YTHDF2: variants seen among roughly 807,000 people sequenced by gnomAD.
YTHDF2 encodes YTH N6-methyladenosine RNA binding protein F2, also known as YTH domain-containing family protein 2.
Under a neutral mutation model 50.4 loss-of-function variants are expected in YTHDF2, and 2 were observed. The ratio of observed to expected loss-of-function variants is 0.04; its 90% CI spans 0.02 to 0.12. The LOEUF (loss-of-function observed/expected upper bound fraction) is 0.12, where lower values mean the gene tolerates loss of function less well. Among genes scored for constraint, YTHDF2 ranks in the 10% least tolerant of loss-of-function variants. The pLI, the probability that YTHDF2 is intolerant of heterozygous loss-of-function variation, is 1.00. For synonymous variants in YTHDF2, 217 were observed against 255.6 expected (o/e 0.85, Z 1.44); for missense variants, 483 against 722.6 (o/e 0.67, Z 3.80).
intron 3 of YTHDF2, among the ~76,000 whole-genome samples, chr1:28,741,382 C>T (rs1314364013): frequency 1.3e-5 from 2 of 152,124 alleles, no homozygotes; most frequent in African/African-American, 2.4e-5. Context: ...ACTGCAACCT[C>T]GGCCTCTTGG....
chr1:28,737,263 G>T, intron 1 of YTHDF2, 116 bp downstream of exon 1: 1 of 1,383,808 alleles, frequency 7.2e-7, no homozygotes. Flanking sequence ...TCTCTTGCGG[G>T]CCAGGTTTCG....
chr1:28,766,551 C>T (rs768322063), intron 4 of YTHDF2, among the ~76,000 whole-genome samples: 15 of 152,144 alleles, frequency 9.9e-5, no homozygotes, highest in South Asian at 8.3e-4. Flanking sequence ...ACTTTGGTCA[C>T]TTTGGGTAAA....
chr1:28,744,067 A>C, intron 4 of YTHDF2, 81 bp downstream of exon 4: 1 of 1,386,330 alleles, frequency 7.2e-7, no homozygotes, highest in Non-Finnish European at 9.5e-7. Context: ...GTGAACCGTT[A>C]ATAAAAACTC....
chr1:28,752,943 G>C (rs2087979400), intron 4 of YTHDF2, among the ~76,000 whole-genome samples: 2 of 151,974 alleles, frequency 1.3e-5, no homozygotes, highest in South Asian at 4.2e-4. Flanking sequence ...TACTCAGGAG[G>C]CTGAGGCAGG....
intron 4 of YTHDF2, among the ~76,000 whole-genome samples, chr1:28,745,368 G>T (rs2087841589): frequency 6.6e-6 from 1 of 152,110 alleles, no homozygotes; most frequent in Admixed American, 6.5e-5. Flanking sequence ...TTGAAAAGTT[G>T]GCTAATAAAC....
intron 4 of YTHDF2, among the ~76,000 whole-genome samples, chr1:28,752,050 C>T (rs1349900162): frequency 1.3e-5 from 2 of 152,210 alleles, no homozygotes; most frequent in Non-Finnish European, 1.5e-5. Flanking sequence ...AGTCTCATAG[C>T]TAGTAAGTGT....
chr1:28,763,957 A>T (rs1270749932), intron 4 of YTHDF2, among the ~76,000 whole-genome samples: 10 of 141,884 alleles, frequency 7.0e-5, no homozygotes, highest in Non-Finnish European at 9.2e-5. Flanking sequence ...TATTTATTTT[A>T]TTTTTTTTTG....
intron 3 of YTHDF2, chr1:28,740,457 A>G (rs1557538868): frequency 1.3e-5 from 2 of 152,230 alleles, no homozygotes; most frequent in Non-Finnish European, 2.9e-5. Context: ...TATAAATCTT[A>G]GATGAGTAGA....
At chr1:28,762,307 G>A (rs59710419) in intron 4 of YTHDF2, among the ~76,000 whole-genome samples, 131 of 152,264 alleles carry the variant, frequency 8.6e-4, no homozygotes, top group African/African-American at 3.0e-3. Context: ...CAGGAGAATG[G>A]CATGAACCCG....
rs1020469205 is a variant in YTHDF2 at position 28,736,973 on chromosome 1, C to G, written c.-148C>G. ...GCCGAGTCGGAGCCGGAGCCTGAGC[C>G]GCGCGCTGTGTCTCCGCTGCGTCCG... On this transcript the variant is annotated 5_prime_UTR_variant, in exon 1 of 5. Coordinates refer to ENST00000373812, the MANE Select transcript of YTHDF2 (RefSeq NM_016258.3). 1.2e-5 allele frequency: 12 copies of G among 989,504 alleles called. No homozygotes were observed. Among genetic ancestry groups the G allele is most frequent in the Admixed American group, 2.3e-5 (1 of 42,888 alleles). The allele number at this position is 989,504 out of a possible 1,614,324, so 61.3% of individuals were successfully genotyped here.
chr1:28,739,804 G>T (rs2087749889), intron 3 of YTHDF2, among the ~76,000 whole-genome samples: 1 of 152,222 alleles, frequency 6.6e-6, no homozygotes, highest in Non-Finnish European at 1.5e-5. Context: ...ACCTGTGCAT[G>T]TAGAAACTTG....
rs1269257580 is a variant in YTHDF2 at position 28,736,960 on chromosome 1, C to T, written c.-161C>T. On this transcript the variant is annotated 5_prime_UTR_variant, in exon 1 of 5. Transcript: ENST00000373812. ...GGGCTAGAGCGTCGCCGAGTCGGAG[C>T]CGGAGCCTGAGCCGCGCGCTGTGTC... is the stretch of plus-strand genomic sequence containing the variant. 9 of 844,492 alleles carry T rather than the reference C, an allele frequency of 1.1e-5. No homozygotes were observed. The highest frequency in any genetic ancestry group is 1.6e-5 in the Non-Finnish European group (9 of 553,438). 52.3% of individuals were successfully genotyped at this position (844,492 alleles called of 1,614,324 possible).
chr1:28,737,476 G>A, intron 1 of YTHDF2, 182 bp from the exon 2 acceptor site: 3 of 815,918 alleles, frequency 3.7e-6, no homozygotes, highest in Middle Eastern at 2.4e-4. Context: ...TTTCTCCCCT[G>A]CCCCACGGGC....
chr1:28,761,326 T>G (rs566667962), intron 4 of YTHDF2, among the ~76,000 whole-genome samples: 37 of 152,182 alleles, frequency 2.4e-4, no homozygotes, highest in African/African-American at 7.7e-4. Flanking sequence ...TTTGGAGAGA[T>G]AAGGTTTCAC....
At chr1:28,761,255 C>T (rs560957003) in intron 4 of YTHDF2, among the ~76,000 whole-genome samples, 1 of 151,524 alleles carries the variant, frequency 6.6e-6, no homozygotes, top group South Asian at 2.1e-4. Context: ...TTCTTGCAGC[C>T]TTCTAAGTAG....
chr1:28,736,854 G>C, upstream of YTHDF2: 78 of 273,476 alleles, frequency 2.9e-4, no homozygotes, highest in Non-Finnish European at 3.5e-4. Flanking sequence ...CGCGCCGCCC[G>C]CCTCCGCTGT....
chr1:28,747,076 CTG>C (rs1187272158), intron 4 of YTHDF2, among the ~76,000 whole-genome samples: 3 of 150,400 alleles, frequency 2.0e-5, no homozygotes, highest in African/African-American at 7.3e-5. Context: ...GAGTGAAACT[CTG>C]TCTCAAAAAA....
intron 4 of YTHDF2, among the ~76,000 whole-genome samples, chr1:28,749,567 T>C (rs1322703660): frequency 6.6e-6 from 1 of 152,128 alleles, no homozygotes; most frequent in Non-Finnish European, 1.5e-5. Flanking sequence ...TTAAAAGAAA[T>C]TTCATAAAAT....
At position 28,737,700 on chromosome 1, in the gene YTHDF2, G is replaced by T. The variant is rs769397365; in HGVS notation, c.52+18G>T. ...AAACAAAGGTAAGTCCCGCTCCGCC[G>T]GTGGCCCTGAGCCGGGAGGGGGACG... On this transcript the variant is annotated intron_variant, in intron 2 of 4. Transcript: ENST00000373812. 3 of 1,613,358 alleles carry T rather than the reference G, an allele frequency of 1.9e-6. No homozygotes were observed. The highest frequency in any genetic ancestry group is 1.7e-5 in the Admixed American group (1 of 59,998).
Sources: gnomAD v4.1 joint callset for allele counts (sites outside exome capture counted in the v4.1 genomes callset) on GRCh38, gnomAD v4.1.1 for gene constraint, MANE v1.5 for transcripts, NCBI Gene and HGNC (gene_info 2026-07-23, HGNC 2026-07-21) for gene names.